Variants in FAM13C observed in about 807,000 individuals in gnomAD.
The protein encoded by FAM13C is protein FAM13C.
In FAM13C, 37 loss-of-function variants were observed where a neutral mutation model predicts 73.2. The ratio of observed to expected loss-of-function variants is 0.51; its 90% CI spans 0.39 to 0.67. The LOEUF (loss-of-function observed/expected upper bound fraction) is 0.67, where lower values mean the gene tolerates loss of function less well. Ranked by LOEUF, FAM13C falls within the 30% of genes least tolerant of loss-of-function variation. The probability of loss-of-function intolerance (pLI) is 0.00; values close to 1 mark genes in which losing one functional copy is unlikely to be tolerated. For missense variants in FAM13C, 589 were observed against 715.6 expected (o/e 0.82, Z 2.02); for synonymous variants, 246 against 260.9 (o/e 0.94, Z 0.55).
intron 3 of FAM13C, among the ~76,000 whole-genome samples, chr10:59,334,544 G>T (rs7905758): frequency 0.027 from 4,118 of 152,154 alleles, 149 homozygotes; most frequent in African/African-American, 0.085. Flanking sequence ...TTAAGAAAAC[G>T]TGCCACATAT....
At chr10:59,287,455 C>CT (rs1845735616) in intron 5 of FAM13C, among the ~76,000 whole-genome samples, 1 of 145,408 alleles carries the variant, frequency 6.9e-6, no homozygotes, top group African/African-American at 2.5e-5. Flanking sequence ...AGCATTCTTT[C>CT]TTTAACTTTA....
At position 59,314,509 on chromosome 10, in the gene FAM13C, T is replaced by C. The variant is rs187576177; in HGVS notation, c.443+9479A>G. ...GGCCTTTCCTCTTTACACTACAGTA[T>C]CTTGGATATTTCCTAGGCCCTTCCC... On this transcript the variant is annotated intron_variant, in intron 4 of 13. Transcript: ENST00000618804. Among the ~76,000 whole-genome samples, 284 of 152,318 alleles carry C rather than the reference T, an allele frequency of 1.9e-3. 1 individual carries two copies. Among genetic ancestry groups the C allele is most frequent in the African/African-American group, 6.7e-3 (279 of 41,568 alleles).
At chr10:59,286,379 G>T (rs555623952) in intron 5 of FAM13C, among the ~76,000 whole-genome samples, 1 of 151,766 alleles carries the variant, frequency 6.6e-6, no homozygotes, top group South Asian at 2.1e-4. Flanking sequence ...GCTGGGCATG[G>T]TGGCACACAC....
At chr10:59,339,971 C>A (rs984653714) in intron 3 of FAM13C, among the ~76,000 whole-genome samples, 5 of 152,254 alleles carry the variant, frequency 3.3e-5, no homozygotes, top group African/African-American at 1.2e-4. Context: ...AAGAACACAA[C>A]ACTAAAAGGC....
At chr10:59,298,423 A>T (rs1418548045) in intron 5 of FAM13C, among the ~76,000 whole-genome samples, 1 of 152,242 alleles carries the variant, frequency 6.6e-6, no homozygotes, top group Non-Finnish European at 1.5e-5. Flanking sequence ...CTATCAGATA[A>T]GAAAATAAAG....
chr10:59,334,219 A>T (rs1212177980), intron 3 of FAM13C, among the ~76,000 whole-genome samples: 4 of 152,228 alleles, frequency 2.6e-5, no homozygotes, highest in Admixed American at 2.6e-4. Context: ...ATAAGGAGGA[A>T]ATGGAATATT....
chr10:59,312,365 A>C (rs1849030362), intron 4 of FAM13C, among the ~76,000 whole-genome samples: 1 of 152,138 alleles, frequency 6.6e-6, no homozygotes, highest in Non-Finnish European at 1.5e-5. Context: ...TCTCTCCCAA[A>C]AGGAAAGAGT....
chr10:59,334,688 T>A (rs553472458), intron 3 of FAM13C, among the ~76,000 whole-genome samples: 1 of 143,306 alleles, frequency 7.0e-6, no homozygotes, highest in Non-Finnish European at 1.5e-5. Flanking sequence ...ATGTTCTTAC[T>A]CATAGGTGGG....
intron 13 of FAM13C, 52 bp from the exon 14 acceptor site, chr10:59,247,789 A>T: frequency 6.4e-7 from 1 of 1,557,070 alleles, no homozygotes; most frequent in Non-Finnish European, 8.7e-7. Context: ...GTCATTATTT[A>T]AACATTCTTT....
At chr10:59,323,890 T>C (rs1217035141) in intron 4 of FAM13C, 98 bp downstream of exon 4, 1 of 1,058,868 alleles carries the variant, frequency 9.4e-7, no homozygotes, top group East Asian at 2.4e-5. Flanking sequence ...CCAGCAAAAG[T>C]CAGAAAGCCT....
intron 4 of FAM13C, among the ~76,000 whole-genome samples, chr10:59,304,008 C>T (rs964394665): frequency 3.9e-5 from 6 of 151,922 alleles, no homozygotes; most frequent in Admixed American, 6.6e-5. Flanking sequence ...ATTAGTGGGG[C>T]GTGGTGGCAG....
chr10:59,346,964 A>T (rs541066435), intron 3 of FAM13C, among the ~76,000 whole-genome samples: 44 of 152,242 alleles, frequency 2.9e-4, no homozygotes, highest in Admixed American at 1.3e-3. Flanking sequence ...ACATCTCCTA[A>T]CTTCAGGATT....
intron 5 of FAM13C, among the ~76,000 whole-genome samples, chr10:59,288,625 A>G (rs1479352432): frequency 1.3e-5 from 2 of 152,194 alleles, no homozygotes; most frequent in Non-Finnish European, 2.9e-5. Context: ...TTCTTCAGCT[A>G]TTAGATAGGA....
intron 13 of FAM13C, among the ~76,000 whole-genome samples, chr10:59,249,320 C>T (rs567438703): frequency 0.031 from 393 of 12,778 alleles, 3 homozygotes; most frequent in Admixed American, 0.054. Context: ...AGGAGAATGG[C>T]GTGAACCCAG....
chr10:59,262,022 C>A (rs1842550990), intron 10 of FAM13C, among the ~76,000 whole-genome samples: 1 of 152,070 alleles, frequency 6.6e-6, no homozygotes, highest in African/African-American at 2.4e-5. Context: ...AAACAAATTT[C>A]CTTACTGTTT....
intron 4 of FAM13C, among the ~76,000 whole-genome samples, chr10:59,307,702 CTA>C (rs1848428208): frequency 6.6e-6 from 1 of 152,158 alleles, no homozygotes; most frequent in African/African-American, 2.4e-5. Flanking sequence ...CAGTGATTAT[CTA>C]TGGTGCACCA....
chr10:59,309,835 G>A (rs969644270), intron 4 of FAM13C, among the ~76,000 whole-genome samples: 3 of 152,230 alleles, frequency 2.0e-5, no homozygotes, highest in Non-Finnish European at 4.4e-5. Flanking sequence ...ATGACACACA[G>A]TAGGCACTCA....
chr10:59,299,753 T>A (rs993643266), intron 5 of FAM13C, among the ~76,000 whole-genome samples: 1 of 152,128 alleles, frequency 6.6e-6, no homozygotes, highest in South Asian at 2.1e-4. Flanking sequence ...ATCTCAAGTC[T>A]AGAATATTTT....
chr10:59,352,770 TATATC>T (rs1306649558), intron 2 of FAM13C, among the ~76,000 whole-genome samples: 8 of 152,242 alleles, frequency 5.3e-5, no homozygotes, highest in African/African-American at 1.7e-4. Flanking sequence ...AACTTTCACA[TATATC>T]ATATTTCCCT....
Sources: gnomAD v4.1 joint callset for allele counts (sites outside exome capture counted in the v4.1 genomes callset) on GRCh38, gnomAD v4.1.1 for gene constraint, MANE v1.5 for transcripts, NCBI Gene and HGNC (gene_info 2026-07-23, HGNC 2026-07-21) for gene names.